The following ESD variants were observed in gnomAD, a reference collection of about 807,000 sequenced individuals.
ESD encodes S-formylglutathione hydrolase.
In ESD, 34 loss-of-function variants were observed where a neutral mutation model predicts 38.1. That is an observed-to-expected ratio of 0.89 (90% CI 0.68 to 1.19). The LOEUF (loss-of-function observed/expected upper bound fraction) is 1.19. Among genes scored for constraint, ESD ranks in the 50% most tolerant of loss-of-function variants. ESD has a pLI of 0.00. For synonymous variants in ESD, 97 were observed against 107.0 expected, an observed-to-expected ratio of 0.91 and a Z score of 0.58; for missense variants, 334 against 327.2, an observed-to-expected ratio of 1.02 and a Z score of -0.16.
rs1194944273 is a variant in ESD at position 46,777,480 on chromosome 13, G to C, written c.744C>G (p.Ile248Met). ...NFIAACTEKK[I>M]PVVFRLQEGY... ...CCTCTTGCAATCGAAAAACAACGGG[G>C]ATTTTCTTTTCTGTACAGGCAGCTA... The change falls in exon 9 of 10, where the codon ATC becomes ATG. Residue 248 changes from isoleucine (I) to methionine (M), a missense_variant. By Grantham distance (10) the Ile-to-Met change is conservative. Transcript: ENST00000378720. 6.2e-7 allele frequency: 1 copy of C among 1,604,854 alleles called. No individual in the cohort carries two copies. The highest frequency in any genetic ancestry group is 1.3e-5 in the African/African-American group (1 of 74,636).
intron 1 of ESD, among the ~76,000 whole-genome samples, chr13:46,796,337 T>C (rs143593499): frequency 6.6e-6 from 1 of 152,314 alleles, no homozygotes; most frequent in African/African-American, 2.4e-5. Context: ...GCAAAATGGG[T>C]ATACAGTAAT....
At chr13:46,779,452 G>A (rs997334461) in intron 8 of ESD, among the ~76,000 whole-genome samples, 1 of 151,182 alleles carries the variant, frequency 6.6e-6, no homozygotes, top group Non-Finnish European at 1.5e-5. Flanking sequence ...CCCACATGAC[G>A]CTTAAAGGTA....
intron 4 of ESD, chr13:46,785,595 C>G (rs1398348003): frequency 1.3e-5 from 2 of 151,820 alleles, no homozygotes; most frequent in African/African-American, 4.8e-5. Context: ...GGAAGTAAAC[C>G]TTCTGAAATT....
At chr13:46,784,116 AT>A (rs1224248357) in intron 5 of ESD, 135 bp downstream of exon 5, 5 of 618,592 alleles carry the variant, frequency 8.1e-6, no homozygotes, top group African/African-American at 7.5e-5. Flanking sequence ...TTTTGGAGTC[AT>A]GATGCCACTT....
At chr13:46,794,496 A>AT (rs34614621) in intron 1 of ESD, among the ~76,000 whole-genome samples, 42 of 148,862 alleles carry the variant, frequency 2.8e-4, no homozygotes, top group Admixed American at 4.7e-4. Context: ...ACACTGGAAT[A>AT]TTTTTTTTTT....
chr13:46,779,605 T>C (rs1395939028), intron 8 of ESD, among the ~76,000 whole-genome samples: 1 of 150,390 alleles, frequency 6.6e-6, no homozygotes, highest in Non-Finnish European at 1.5e-5. Flanking sequence ...GATGTTAATT[T>C]AGAAATAAAA....
chr13:46,795,408 T>C (rs1875538925), intron 1 of ESD, among the ~76,000 whole-genome samples: 1 of 152,236 alleles, frequency 6.6e-6, no homozygotes. Context: ...ATATTTACTA[T>C]CTTAACCATT....
intron 3 of ESD, among the ~76,000 whole-genome samples, chr13:46,788,828 C>T (rs1487564041): frequency 1.3e-5 from 2 of 152,048 alleles, no homozygotes; most frequent in Non-Finnish European, 2.9e-5. Flanking sequence ...TAATTCAATA[C>T]CAAACTCCCC....
At position 46,777,637 on chromosome 13, in the gene ESD, A is replaced by G. The variant is rs747323190; in HGVS notation, c.601-14T>C. 37 of 1,577,484 alleles carry G rather than the reference A, an allele frequency of 2.3e-5. 2 individuals are homozygous for G. In the Admixed American group the frequency reaches 6.6e-4, roughly 28 times the overall value. Reference sequence around the variant, plus strand: ...AGCATCATAAGCCTGTAAAAAGAGAAGTAACATTGAAAAATAAATTCAAAG... The same window carrying G: ...AGCATCATAAGCCTGTAAAAAGAGAGGTAACATTGAAAAATAAATTCAAAG... On this transcript the variant is annotated splice_polypyrimidine_tract_variant and intron_variant, in intron 8 of 9. Transcript: ENST00000378720.
chr13:46,786,059 T>A (rs1332594022), intron 4 of ESD, among the ~76,000 whole-genome samples: 1 of 152,022 alleles, frequency 6.6e-6, no homozygotes, highest in Non-Finnish European at 1.5e-5. Context: ...ATTTCTAAGA[T>A]CATTTTTAGC....
At chr13:46,780,128 T>C in intron 7 of ESD, 95 bp from the exon 8 acceptor site, 1 of 770,130 alleles carries the variant, frequency 1.3e-6, no homozygotes, top group Non-Finnish European at 2.0e-6. Context: ...AGAAGTTACT[T>C]GCAACTTGCT....
intron 7 of ESD, 104 bp downstream of exon 7, chr13:46,781,392 G>T: frequency 9.2e-7 from 1 of 1,085,244 alleles, no homozygotes; most frequent in Non-Finnish European, 1.3e-6. Flanking sequence ...CACTAGAAAA[G>T]TTTAGTTCCA....
intron 7 of ESD, among the ~76,000 whole-genome samples, chr13:46,781,018 T>C (rs1874978941): frequency 6.6e-6 from 1 of 151,726 alleles, no homozygotes; most frequent in South Asian, 2.1e-4. Flanking sequence ...GAGAGTGATG[T>C]TTTTTAATCA....
intron 4 of ESD, among the ~76,000 whole-genome samples, chr13:46,784,565 C>T (rs1432788190): frequency 6.6e-6 from 1 of 151,780 alleles, no homozygotes; most frequent in East Asian, 1.9e-4. Flanking sequence ...ACGTGTACCC[C>T]TTTAATCTAA....
chr13:46,779,877 C>A, intron 8 of ESD, 58 bp downstream of exon 8: 3 of 1,368,582 alleles, frequency 2.2e-6, no homozygotes, highest in South Asian at 2.5e-5. Context: ...ATATGTCCAA[C>A]CTTTTAAACA....
intron 9 of ESD, among the ~76,000 whole-genome samples, chr13:46,775,064 AT>A (rs1593403459): frequency 1.3e-5 from 2 of 151,670 alleles, no homozygotes; most frequent in East Asian, 1.9e-4. Flanking sequence ...AGGTCACTAA[AT>A]TTTTTTTTCT....
Position 46,790,349 on chromosome 13 carries a change from AC to A in ESD, c.68+996del, listed in dbSNP as rs558533145. Among the ~76,000 whole-genome samples the A allele has an allele frequency of 3.0e-3, 460 of 152,222 alleles. 2 individuals are homozygous for A. Among genetic ancestry groups the A allele is most frequent in the Middle Eastern group, 0.01 (3 of 294 alleles). Reference sequence around the variant, plus strand: ...AGGTGGAGTTGTCAATCATTGCTTTACTGTAAGGTCTGGTTAGGTTACTTTG... The same window carrying A: ...AGGTGGAGTTGTCAATCATTGCTTTATGTAAGGTCTGGTTAGGTTACTTTG... On this transcript the variant is annotated intron_variant, in intron 3 of 9. Transcript: ENST00000378720.
intron 9 of ESD, 91 bp from the exon 10 acceptor site, chr13:46,771,587 T>C: frequency 1.3e-6 from 1 of 769,842 alleles, no homozygotes; most frequent in Non-Finnish European, 2.1e-6. Context: ...TCGTTTAATT[T>C]GCTTACAAAT....
At chr13:46,790,006 A>AT (rs35006774) in intron 3 of ESD, among the ~76,000 whole-genome samples, 56,934 of 131,236 alleles carry the variant, frequency 0.43, 12,271 homozygotes, top group East Asian at 0.64. Context: ...ATATATATAT[A>AT]TATTTTTTTT....
Sources: gnomAD v4.1 joint callset for allele counts (sites outside exome capture counted in the v4.1 genomes callset) on GRCh38, gnomAD v4.1.1 for gene constraint, MANE v1.5 for transcripts, NCBI Gene and HGNC (gene_info 2026-07-23, HGNC 2026-07-21) for gene names.